The following PRDM16 variants were observed in gnomAD, a reference collection of about 807,000 sequenced individuals.
PRDM16 encodes the protein PR/SET domain 16.
Under a neutral mutation model 110.6 loss-of-function variants are expected in PRDM16, and 23 were observed. The observed-to-expected ratio is 0.21, with a 90% CI of 0.15 to 0.29. The LOEUF is 0.29. Among genes scored for constraint, PRDM16 ranks in the 10% least tolerant of loss-of-function variants. The pLI is 1.00. For synonymous variants in PRDM16, 799 were observed against 781.8 expected, an observed-to-expected ratio of 1.02 and a Z score of -0.37; for missense variants, 1,615 against 1,794.3, an observed-to-expected ratio of 0.90 and a Z score of 1.81.
At chr1:3,092,299 C>T (rs889349134) in intron 1 of PRDM16, among the ~76,000 whole-genome samples, 23 of 119,354 alleles carry the variant, frequency 1.9e-4, no homozygotes, top group Non-Finnish European at 3.4e-4. Flanking sequence ...TCGTGAGTCC[C>T]GAGGCAGAGG....
chr1:3,339,377 G>C lies in PRDM16; in HGVS notation c.439-45775G>C, dbSNP rs1642225349. Among the ~76,000 whole-genome samples, 1 of 152,116 alleles carries C rather than the reference G, an allele frequency of 6.6e-6. No individual in the cohort carries two copies. Among genetic ancestry groups the C allele is most frequent in the Admixed American group, 6.5e-5 (1 of 15,280 alleles). On this transcript the variant is annotated intron_variant, in intron 3 of 16. Coordinates refer to ENST00000270722, the MANE Select transcript of PRDM16 (RefSeq NM_022114.4). This position sits in a 1 kb window ranked among gnomAD's most constrained non-coding sequence, Gnocchi z 5.0. ...TGCCCGGAAGCAGGAACAGAGGGAT[G>C]GGTGGATGAGTGGCAACCATCCTGG...
intron 3 of PRDM16, among the ~76,000 whole-genome samples, chr1:3,332,404 C>T (rs1238188637): frequency 3.8e-5 from 1 of 26,488 alleles, no homozygotes; most frequent in African/African-American, 1.4e-4. Context: ...GTGGGGGGCT[C>T]GGGGCTGGGG....
chr1:3,320,789 C>T (rs745882046), intron 3 of PRDM16, among the ~76,000 whole-genome samples: 6 of 152,236 alleles, frequency 3.9e-5, no homozygotes, highest in Non-Finnish European at 8.8e-5. Context: ...AGCCCAGCTG[C>T]TGCTGTGGCA....
intron 3 of PRDM16, among the ~76,000 whole-genome samples, chr1:3,357,085 G>C (rs1421566982): frequency 6.6e-6 from 1 of 152,156 alleles, no homozygotes; most frequent in Non-Finnish European, 1.5e-5. Flanking sequence ...CAGAAAAGGA[G>C]TTTCTGCTGT....
At chr1:3,424,124 C>G (rs1038740897) in intron 12 of PRDM16, among the ~76,000 whole-genome samples, 5 of 152,196 alleles carry the variant, frequency 3.3e-5, no homozygotes, top group African/African-American at 4.8e-5. Flanking sequence ...GGATGCCCCC[C>G]AGGGAGGAGG....
chr1:3,147,545 T>C (rs1057312271), intron 1 of PRDM16, among the ~76,000 whole-genome samples: 1 of 152,124 alleles, frequency 6.6e-6, no homozygotes, highest in Non-Finnish European at 1.5e-5. Context: ...GGATCTCCAG[T>C]GTCTGGAAAC....
chr1:3,166,299 G>A (rs892054510), intron 1 of PRDM16, among the ~76,000 whole-genome samples: 5 of 152,266 alleles, frequency 3.3e-5, no homozygotes, highest in East Asian at 1.9e-4. Context: ...GGCGTTCTGC[G>A]GAGGCAACTC....
chr1:3,408,164 G>A (rs183845678), intron 8 of PRDM16, among the ~76,000 whole-genome samples: 248 of 152,296 alleles, frequency 1.6e-3, no homozygotes, highest in Non-Finnish European at 2.2e-3. Flanking sequence ...CTGCGCAGGC[G>A]CTCATGGCCA....
chr1:3,237,118 G>A (rs1214693068), intron 2 of PRDM16, among the ~76,000 whole-genome samples: 2 of 152,090 alleles, frequency 1.3e-5, no homozygotes, highest in African/African-American at 4.8e-5. Context: ...CACACAGGAA[G>A]CCACCCTTCC....
chr1:3,178,842 T>A (rs959834951), intron 1 of PRDM16, among the ~76,000 whole-genome samples: 15 of 152,100 alleles, frequency 9.9e-5, no homozygotes, highest in Non-Finnish European at 1.5e-5. Context: ...GTCTAGCAAG[T>A]CCTCAGGGGA....
rs754105984 is a variant in PRDM16 at position 3,233,246 on chromosome 1, C to T, written c.388-10841C>T. 2.3e-4 allele frequency among the ~76,000 whole-genome samples: 35 copies of T among 152,256 alleles called. 1 individual carries two copies. The highest frequency in any genetic ancestry group is 6.2e-4 in the South Asian group (3 of 4,820). ...GCGCGGTGCCTAGCACCTCCTGTGT[C>T]GTCGGTGTGGAGGAGGGACCGTCAG... is the stretch of plus-strand genomic sequence containing the variant. On this transcript the variant is annotated intron_variant, in intron 2 of 16. Coordinates refer to ENST00000270722, the MANE Select transcript of PRDM16 (RefSeq NM_022114.4).
intron 1 of PRDM16, among the ~76,000 whole-genome samples, chr1:3,071,549 A>G (rs1421475556): frequency 6.6e-6 from 1 of 152,244 alleles, no homozygotes; most frequent in Non-Finnish European, 1.5e-5. Context: ...AGGCAGGTTC[A>G]GGATCACACT....
At chr1:3,200,220 G>A (rs141755453) in intron 2 of PRDM16, among the ~76,000 whole-genome samples, 2 of 152,268 alleles carry the variant, frequency 1.3e-5, no homozygotes, top group African/African-American at 4.8e-5. Flanking sequence ...AGGGGCCTGG[G>A]GGTCTGGCCT....
chr1:3,188,144 C>G (rs777871697), intron 2 of PRDM16, among the ~76,000 whole-genome samples: 3 of 152,230 alleles, frequency 2.0e-5, no homozygotes, highest in Non-Finnish European at 2.9e-5. Flanking sequence ...CAATATTCAT[C>G]TTTGGCTGTG....
At chr1:3,345,261 T>A (rs1305450357) in intron 3 of PRDM16, among the ~76,000 whole-genome samples, 18 of 152,234 alleles carry the variant, frequency 1.2e-4, no homozygotes, top group Non-Finnish European at 1.5e-5. Context: ...TCTCTAGTGC[T>A]ATCAAGTTTT....
chr1:3,277,747 G>A (rs989399317), intron 3 of PRDM16, among the ~76,000 whole-genome samples: 8 of 126,488 alleles, frequency 6.3e-5, no homozygotes, highest in South Asian at 2.6e-4. Context: ...ACACGCACAC[G>A]CACACACATG....
chr1:3,329,420 A>G (rs1484191228), intron 3 of PRDM16, among the ~76,000 whole-genome samples: 1 of 152,122 alleles, frequency 6.6e-6, no homozygotes, highest in African/African-American at 2.4e-5. Flanking sequence ...AATGGAATTA[A>G]TGGGATCCCC....
intron 14 of PRDM16, among the ~76,000 whole-genome samples, chr1:3,428,140 C>T (rs1638664988): frequency 6.6e-6 from 1 of 152,046 alleles, no homozygotes; most frequent in Non-Finnish European, 1.5e-5. Flanking sequence ...GACAGCAAGG[C>T]CCCCCTACCC....
chr1:3,069,299 A>C lies in PRDM16; in HGVS notation c.37+3A>C. 6.7e-7 allele frequency: 1 copy of C among 1,501,822 alleles called. No homozygotes were observed. The highest frequency in any genetic ancestry group is 8.9e-7 in the Non-Finnish European group (1 of 1,119,142). 93.0% of individuals were successfully genotyped at this position (1,501,822 alleles called of 1,614,324 possible). ...GAGGGCGAGGAAGCTAGCCAAAAGT[A>C]AGTCTCCCGCGCTCGGCCGCGCCGC... is the stretch of plus-strand genomic sequence containing the variant. On this transcript the variant is annotated splice_donor_region_variant and intron_variant, in intron 1 of 16. Transcript: ENST00000270722. This position sits in a 1 kb window ranked among gnomAD's most constrained non-coding sequence, Gnocchi z 6.1.
Sources: gnomAD v4.1 joint callset for allele counts (sites outside exome capture counted in the v4.1 genomes callset) on GRCh38, gnomAD v4.1.1 for gene constraint, Gnocchi (gnomAD v3.1) non-coding constraint, MANE v1.5 for transcripts, NCBI Gene and HGNC (gene_info 2026-07-23, HGNC 2026-07-21) for gene names.